ALDH1A2: variants seen among roughly 807,000 people sequenced by gnomAD.
ALDH1A2 encodes the protein retinal dehydrogenase 2.
A neutral mutation model predicts 60.3 loss-of-function variants in ALDH1A2; 27 were observed. That is an observed-to-expected ratio of 0.45 (90% CI 0.33 to 0.62). The LOEUF is 0.62. ALDH1A2 is among the 20% of genes least tolerant of loss of function. The pLI, the probability that ALDH1A2 is intolerant of heterozygous loss-of-function variation, is 0.02. For synonymous variants in ALDH1A2, 289 were observed against 232.4 expected, an observed-to-expected ratio of 1.24 and a Z score of -2.21; for missense variants, 581 against 643.8, an observed-to-expected ratio of 0.90 and a Z score of 1.06.
chr15:57,956,026 G>C (rs1220357550), intron 12 of ALDH1A2, among the ~76,000 whole-genome samples: 3 of 152,168 alleles, frequency 2.0e-5, no homozygotes, highest in African/African-American at 7.2e-5. Context: ...TGTTCACAGA[G>C]CCCCTTGTTC....
chr15:57,958,214 G>GCGCACACACACA lies in ALDH1A2; in HGVS notation c.1484+2555_1484+2556insTGTGTGTGTGCG, dbSNP rs67551670. ...TCTGTATGCATGCGTGTACACGCAC[G>GCGCACACACACA]CACACACACACATAAATTTGACAAG... is the stretch of plus-strand genomic sequence containing the variant. On this transcript the variant is annotated intron_variant, in intron 12 of 12. Coordinates refer to ENST00000249750, the MANE Select transcript of ALDH1A2 (RefSeq NM_003888.4). Among the ~76,000 whole-genome samples the GCGCACACACACA allele has an allele frequency of 6.0e-3, 918 of 151,812 alleles. 9 individuals carry two copies. Among genetic ancestry groups the GCGCACACACACA allele is most frequent in the African/African-American group, 0.018 (766 of 41,434 alleles).
chr15:58,036,161 A>G (rs1340375111), intron 1 of ALDH1A2, among the ~76,000 whole-genome samples: 1 of 151,780 alleles, frequency 6.6e-6, no homozygotes, highest in African/African-American at 2.4e-5. Context: ...ATTATTGTCT[A>G]TGTAGAAATT....
At chr15:57,968,404 C>G (rs1432752497) in intron 7 of ALDH1A2, among the ~76,000 whole-genome samples, 1 of 152,166 alleles carries the variant, frequency 6.6e-6, no homozygotes, top group Admixed American at 6.5e-5. Context: ...ACCTGTTGGA[C>G]TATCTGCAGG....
intron 1 of ALDH1A2, among the ~76,000 whole-genome samples, chr15:58,061,624 A>T (rs1897040941): frequency 6.7e-6 from 1 of 150,024 alleles, no homozygotes; most frequent in African/African-American, 2.4e-5. Flanking sequence ...AAAAAAAAAA[A>T]AACGGAACAA....
intron 1 of ALDH1A2, among the ~76,000 whole-genome samples, chr15:58,016,501 A>G (rs1392132127): frequency 6.6e-6 from 1 of 152,184 alleles, no homozygotes; most frequent in Non-Finnish European, 1.5e-5. Context: ...CTGATATTTC[A>G]TGACTTTTGT....
At chr15:57,971,993 G>C (rs1274054752) in intron 7 of ALDH1A2, among the ~76,000 whole-genome samples, 37 of 152,304 alleles carry the variant, frequency 2.4e-4, no homozygotes, top group African/African-American at 7.9e-4. Context: ...ATCTCCCAAA[G>C]TGCTAGAATT....
intron 1 of ALDH1A2, among the ~76,000 whole-genome samples, chr15:58,061,135 C>T (rs1897022573): frequency 6.6e-6 from 1 of 152,048 alleles, no homozygotes; most frequent in Admixed American, 6.6e-5. Context: ...CACATGGTAA[C>T]ATAGGCCCAT....
At chr15:58,019,823 T>C (rs1488212498) in intron 1 of ALDH1A2, among the ~76,000 whole-genome samples, 2 of 152,226 alleles carry the variant, frequency 1.3e-5, no homozygotes, top group African/African-American at 4.8e-5. Context: ...TTATTATTAT[T>C]TTTTAAATGT....
intron 4 of ALDH1A2, among the ~76,000 whole-genome samples, chr15:58,002,515 C>T (rs1240078301): frequency 2.0e-5 from 3 of 151,890 alleles, no homozygotes; most frequent in Non-Finnish European, 4.4e-5. Flanking sequence ...ATTGGCACAT[C>T]CTATATATTA....
At chr15:58,054,690 T>C (rs772655739) in intron 1 of ALDH1A2, among the ~76,000 whole-genome samples, 14 of 152,026 alleles carry the variant, frequency 9.2e-5, no homozygotes, top group Non-Finnish European at 1.5e-4. Flanking sequence ...TTATCCTCAA[T>C]AGCCTCACAC....
rs1299974714 is a variant in ALDH1A2, at chr15:57,954,055, A to C, written c.*1142T>G. 6.6e-6 allele frequency: 1 copy of C among 152,472 alleles called. No homozygotes were observed. Among genetic ancestry groups the C allele is most frequent in the Non-Finnish European group, 1.5e-5 (1 of 68,108 alleles). 9.4% of individuals were successfully genotyped at this position (152,472 alleles called of 1,614,324 possible). ...AGAATGGGGTGTGACAGAGGAGCTC[A>C]GTGGAGCACGGCAGTCCTGGCACAA... On this transcript the variant is annotated 3_prime_UTR_variant, in exon 13 of 13. Transcript: ENST00000249750.
chr15:58,014,246 ACTCT>A lies in ALDH1A2; in HGVS notation c.149_152del (p.Glu50ValfsTer27). On this transcript the variant is annotated frameshift_variant, in exon 2 of 13. Transcript: ENST00000249750. LOFTEE classifies it high-confidence loss of function. ...GATTATAGACAGGGAACACTCTCCCACTCTCTGAGTTCTGCCACTCGTTGTTTAT... is the reference window on the plus strand; with the variant it reads ...GATTATAGACAGGGAACACTCTCCCACTGAGTTCTGCCACTCGTTGTTTAT... 6.2e-7 allele frequency: 1 copy of A among 1,613,898 alleles called. No individual in the cohort carries two copies. Among genetic ancestry groups the A allele is most frequent in the Non-Finnish European group, 8.5e-7 (1 of 1,179,940 alleles).
intron 4 of ALDH1A2, among the ~76,000 whole-genome samples, chr15:57,997,910 C>T (rs1247707349): frequency 1.4e-4 from 21 of 151,872 alleles, no homozygotes; most frequent in East Asian, 3.9e-4. Context: ...AAAAAATAAA[C>T]GCTATTTTTG....
chr15:57,976,303 A>G (rs1406422268), intron 7 of ALDH1A2, among the ~76,000 whole-genome samples: 1 of 152,174 alleles, frequency 6.6e-6, no homozygotes, highest in African/African-American at 2.4e-5. Flanking sequence ...TTTTAAAATT[A>G]TACTTTGAAT....
At chr15:57,992,387 C>A (rs1353513092) in intron 7 of ALDH1A2, among the ~76,000 whole-genome samples, 1 of 152,192 alleles carries the variant, frequency 6.6e-6, no homozygotes, top group African/African-American at 2.4e-5. Context: ...TTATCCTTAC[C>A]AGAGACTAGT....
intron 1 of ALDH1A2, among the ~76,000 whole-genome samples, chr15:58,031,890 C>G (rs1896250492): frequency 6.6e-6 from 1 of 152,132 alleles, no homozygotes; most frequent in Non-Finnish European, 1.5e-5. Flanking sequence ...AATAGGAACA[C>G]TTTTACACTG....
chr15:57,996,950 A>G (rs1895084379), intron 4 of ALDH1A2, among the ~76,000 whole-genome samples: 1 of 151,958 alleles, frequency 6.6e-6, no homozygotes, highest in South Asian at 2.1e-4. Context: ...TATTCTTTTT[A>G]GCCATTTGAA....
In ALDH1A2 at chr15:58,035,332, T is replaced by G. The variant is rs182910132; in HGVS notation, c.118-21051A>C. On this transcript the variant is annotated intron_variant, in intron 1 of 12. Transcript: ENST00000249750. ...TTTCTGATATTAGTAATTTGTGTCT[T>G]CTCTTTTTCTTTTAGTTAGCCAGGC... Among the ~76,000 whole-genome samples, 248 of 151,732 alleles carry G rather than the reference T, an allele frequency of 1.6e-3. 1 individual carries two copies. Among genetic ancestry groups the G allele is most frequent in the Admixed American group, 0.011 (161 of 15,202 alleles).
chr15:58,039,261 T>C (rs577581565), intron 1 of ALDH1A2, among the ~76,000 whole-genome samples: 13 of 151,688 alleles, frequency 8.6e-5, no homozygotes, highest in African/African-American at 2.7e-4. Flanking sequence ...GTTTTTTTTT[T>C]CTCCTTCTTT....
Sources: allele counts gnomAD v4.1 joint callset (sites outside exome capture counted in the v4.1 genomes callset), GRCh38; gene constraint gnomAD v4.1.1; transcripts MANE v1.5; gene names NCBI Gene and HGNC (gene_info 2026-07-23, HGNC 2026-07-21).